APC: variants seen among roughly 807,000 people sequenced by gnomAD.
APC encodes the protein adenomatous polyposis coli protein.
Under a neutral mutation model 247.0 loss-of-function variants are expected in APC, and 72 were observed. That is an observed-to-expected ratio of 0.29 (90% CI 0.24 to 0.35). APC has a LOEUF of 0.35. APC is among the 10% of genes least tolerant of loss of function. The probability of loss-of-function intolerance (pLI) is 1.00; values close to 1 mark genes in which losing one functional copy is unlikely to be tolerated. For missense variants in APC, 3,400 were observed against 3,360.7 expected, an observed-to-expected ratio of 1.01 and a Z score of -0.29; for synonymous variants, 1,254 against 1,162.5, an observed-to-expected ratio of 1.08 and a Z score of -1.60.
chr5:112,821,897 G>T lies in APC; in HGVS notation c.1314G>T (p.Met438Ile). The T allele has an allele frequency of 6.2e-7, 1 of 1,611,190 alleles. No homozygotes were observed. Among genetic ancestry groups the T allele is most frequent in the Non-Finnish European group, 8.5e-7 (1 of 1,177,966 alleles). Reference sequence around the variant, plus strand: ...GTTTATGTTGATTTTATTTTTCAGTGCCAGCTCCTGTTGAACATCAGATCT... The same window carrying T: ...GTTTATGTTGATTTTATTTTTCAGTTCCAGCTCCTGTTGAACATCAGATCT... ...EPGMDQDKNP[M>I]PAPVEHQICP... Residue 438 changes from methionine to isoleucine, a missense_variant and splice_region_variant, in exon 11 of 16, where the codon ATG becomes ATT. Coordinates refer to ENST00000257430, the MANE Select transcript of APC (RefSeq NM_000038.6).
At chr5:112,748,992 G>A (rs1206197564) in intron 1 of APC, among the ~76,000 whole-genome samples, 1 of 152,098 alleles carries the variant, frequency 6.6e-6, no homozygotes, top group African/African-American at 2.4e-5. Context: ...AAAAAAGAAT[G>A]AAGTTTGCTT....
At position 112,839,537 on chromosome 5, in the gene APC, T is replaced by A. The variant is rs773963355; in HGVS notation, c.3943T>A (p.Ser1315Thr). The change falls in exon 16 of 16, where the codon TCA becomes ACA. Residue 1315 changes from serine (S) to threonine (T), a missense_variant. This residue lies in a region of APC where 715 missense variants were observed against 656.6 expected (regional missense o/e 1.09). Coordinates refer to ENST00000257430, the MANE Select transcript of APC (RefSeq NM_000038.6). The surrounding 1 kb of genome is among the most constrained non-coding windows in gnomAD (Gnocchi z 5.0). ...AATAAAAGAAAAGATTGGAACTAGG[T>A]CAGCTGAAGATCCTGTGAGCGAAGT... ...AEIKEKIGTRSAEDPVSEVPA... is the reference protein window; with the variant it reads ...AEIKEKIGTRTAEDPVSEVPA... The A allele has an allele frequency of 1.2e-6, 2 of 1,614,126 alleles. No homozygotes were observed. Among genetic ancestry groups the A allele is most frequent in the Non-Finnish European group, 1.7e-6 (2 of 1,180,016 alleles).
At position 112,818,175 on chromosome 5, in the gene APC, T is replaced by C. The variant is rs566206959; in HGVS notation, c.934-791T>C. ...CCCCCAGTTGAGAACCATTGACTTA[T>C]AGAGAATGATGCATTCTTTATATAA... is the stretch of plus-strand genomic sequence containing the variant. On this transcript the variant is annotated intron_variant, in intron 9 of 15. Transcript: ENST00000257430. Among the ~76,000 whole-genome samples the C allele has an allele frequency of 5.9e-5, 9 of 152,364 alleles. No homozygotes were observed. The East Asian group carries it at 1.2e-3, about 20-fold the overall frequency.
At chr5:112,707,975 ACTCTGTGGCTCTCTTCTCT>A in intron 1 of APC, 1 of 1,210,152 alleles carries the variant, frequency 8.3e-7, no homozygotes, top group African/African-American at 1.5e-5. Flanking sequence ...GCTCGGCCCG[ACTCTGTGGCTCTCTTCTCT>A]CCATGTCTCA....
At position 112,841,166 on chromosome 5, in the gene APC, C is replaced by A. The variant is rs1270783041; in HGVS notation, c.5572C>A (p.Arg1858=). 1 of 1,613,828 alleles carries A rather than the reference C, an allele frequency of 6.2e-7. No homozygotes were observed. Among genetic ancestry groups the A allele is most frequent in the Non-Finnish European group, 8.5e-7 (1 of 1,179,806 alleles). ...PIEGTPYCFS[R]NDSLSSLDFD... is the part of the protein sequence containing the mutation. The stretch of plus-strand genomic sequence containing the variant: ...TGAAGGAACTCCTTACTGTTTTTCA[C>A]GAAATGATTCTTTGAGTTCTCTAGA... Residue 1858 remains arginine, a synonymous_variant, in exon 16 of 16, where the codon CGA becomes AGA. Transcript: ENST00000257430. The surrounding 1 kb of genome is among the most constrained non-coding windows in gnomAD (Gnocchi z 4.6).
In APC at chr5:112,845,357, A is replaced by G. The variant is rs1326866226; in HGVS notation, c.*1231A>G. 1 of 232,704 alleles carries G rather than the reference A, an allele frequency of 4.3e-6. No individual in the cohort carries two copies. Among genetic ancestry groups the G allele is most frequent in the African/African-American group, 2.2e-5 (1 of 45,292 alleles). The allele number at this position is 232,704 out of a possible 1,614,324, so 14.4% of individuals were successfully genotyped here. On this transcript the variant is annotated 3_prime_UTR_variant, in exon 16 of 16. Coordinates refer to ENST00000257430, the MANE Select transcript of APC (RefSeq NM_000038.6). ...AGGCCCACATAATTTCCTCTTTCTT[A>G]ATATTATAGAATTCTGTACTTGAAA...
intron 1 of APC, among the ~76,000 whole-genome samples, chr5:112,747,720 A>G (rs79917821): frequency 0.011 from 1,647 of 152,344 alleles, 67 homozygotes; most frequent in Admixed American, 0.075. Flanking sequence ...TGGAAGATGA[A>G]GAAATCGTGG....
In APC at chr5:112,839,129, T is replaced by C. The variant is rs751249843; in HGVS notation, c.3535T>C (p.Tyr1179His). ...ACGTCATGTGGATCAGCCTATTGAT[T>C]ATAGTTTAAAATATGCCACAGATAT... ...EKRHVDQPIDYSLKYATDIPS... is the reference protein window; with the variant it reads ...EKRHVDQPIDHSLKYATDIPS... Residue 1179 changes from tyrosine to histidine, a missense_variant, in exon 16 of 16, where the codon TAT (tyrosine) becomes CAT (histidine). Physicochemically the swap from Tyr to His is moderately conservative, Grantham distance 83. Coordinates refer to ENST00000257430, the MANE Select transcript of APC (RefSeq NM_000038.6). The surrounding 1 kb of genome is among the most constrained non-coding windows in gnomAD (Gnocchi z 5.0). 1.9e-5 allele frequency: 31 copies of C among 1,614,100 alleles called. No homozygotes were observed. The highest frequency in any genetic ancestry group is 2.2e-5 in the Non-Finnish European group (26 of 1,180,024).
upstream of APC, among the ~76,000 whole-genome samples, chr5:112,733,806 C>T (rs377730148): frequency 3.9e-5 from 6 of 152,298 alleles, no homozygotes; most frequent in African/African-American, 1.4e-4. Flanking sequence ...TCAGGGCACT[C>T]CATGACTAAA....
intron 1 of APC, among the ~76,000 whole-genome samples, chr5:112,730,794 C>G (rs1156707744): frequency 6.6e-6 from 1 of 151,986 alleles, no homozygotes; most frequent in Non-Finnish European, 1.5e-5. Flanking sequence ...GTTAATTTCT[C>G]TCTCCTCTAA....
chr5:112,826,667 T>A (rs1309580721), intron 11 of APC, among the ~76,000 whole-genome samples: 5 of 151,296 alleles, frequency 3.3e-5, no homozygotes, highest in Admixed American at 1.3e-4. Context: ...TAAGGGTAAT[T>A]ATTTGCCAAA....
At chr5:112,710,917 C>T (rs910733248) in intron 1 of APC, among the ~76,000 whole-genome samples, 1 of 152,220 alleles carries the variant, frequency 6.6e-6, no homozygotes, top group Non-Finnish European at 1.5e-5. Context: ...TTGTAGAGTT[C>T]TTACTAAATG....
At chr5:112,719,806 G>T (rs1173036698) in intron 1 of APC, among the ~76,000 whole-genome samples, 1 of 152,176 alleles carries the variant, frequency 6.6e-6, no homozygotes, top group African/African-American at 2.4e-5. Flanking sequence ...GCCTCCCAAA[G>T]TTCTGGGATT....
intron 2 of APC, among the ~76,000 whole-genome samples, chr5:112,763,856 C>A (rs1455214380): frequency 6.6e-6 from 1 of 152,166 alleles, no homozygotes; most frequent in Non-Finnish European, 1.5e-5. Flanking sequence ...AATCGACAGT[C>A]TATGTTTTAA....
At chr5:112,769,854 G>A (rs1756832507) in intron 4 of APC, among the ~76,000 whole-genome samples, 1 of 152,234 alleles carries the variant, frequency 6.6e-6, no homozygotes, top group South Asian at 2.1e-4. Flanking sequence ...TTATCTGGAC[G>A]AGAAATGATG....
chr5:112,775,903 T>A (rs769652403), intron 5 of APC, among the ~76,000 whole-genome samples, 166 bp downstream of exon 5: 18 of 152,230 alleles, frequency 1.2e-4, no homozygotes, highest in Non-Finnish European at 1.8e-4. Flanking sequence ...AATGAATTTT[T>A]GTTGGTAAAG....
At chr5:112,804,593 T>G (rs1761173919) in intron 8 of APC, among the ~76,000 whole-genome samples, 1 of 152,178 alleles carries the variant, frequency 6.6e-6, no homozygotes, top group Admixed American at 6.5e-5. Context: ...TTGGCCAGGA[T>G]AGTCTCAATC....
rs546796435 is a variant in APC, at chr5:112,779,667, A to AT, written c.532-1111dup. The stretch of plus-strand genomic sequence containing the variant: ...ATTGCAACATACTGTGTCATGTTCA[A>AT]TTTTTTTTTTTTGCAGAGAGGGTTT... On this transcript the variant is annotated intron_variant, in intron 5 of 15. Coordinates refer to ENST00000257430, the MANE Select transcript of APC (RefSeq NM_000038.6). Among the ~76,000 whole-genome samples the AT allele has an allele frequency of 0.058, 8,477 of 147,068 alleles. 461 individuals carry two copies. Among genetic ancestry groups the AT allele is most frequent in the East Asian group, 0.16 (824 of 5,102 alleles).
At chr5:112,760,255 G>A (rs1481337819) in intron 2 of APC, among the ~76,000 whole-genome samples, 2 of 152,278 alleles carry the variant, frequency 1.3e-5, no homozygotes, top group East Asian at 1.9e-4. Context: ...GAGGGCAGAT[G>A]TAGAGATACT....
Sources: gnomAD v4.1 joint callset for allele counts (sites outside exome capture counted in the v4.1 genomes callset) on GRCh38, gnomAD v4.1.1 for gene constraint, gnomAD v4.1.1 regional missense constraint, Gnocchi (gnomAD v3.1) non-coding constraint, MANE v1.5 for transcripts, NCBI Gene and HGNC (gene_info 2026-07-23, HGNC 2026-07-21) for gene names.